The following DDRGK1 variants were observed in gnomAD, a reference collection of about 807,000 sequenced individuals.
The protein encoded by DDRGK1 is DDRGK domain-containing protein 1.
DDRGK1 carries 38 observed loss-of-function variants against 45.8 expected under a neutral mutation model. That is an observed-to-expected ratio of 0.83 (90% CI 0.64 to 1.09). The LOEUF (loss-of-function observed/expected upper bound fraction) is 1.09, where lower values mean the gene tolerates loss of function less well. DDRGK1 is among the 50% of genes least tolerant of loss of function. DDRGK1 has a pLI of 0.00. For missense variants in DDRGK1, 403 were observed against 419.9 expected (o/e 0.96, Z 0.35); for synonymous variants, 171 against 168.7 (o/e 1.01, Z -0.11).
At chr20:3,199,961 C>T (rs1185376468) in intron 4 of DDRGK1, 40 bp downstream of exon 4, 5 of 1,549,240 alleles carry the variant, frequency 3.2e-6, no homozygotes, top group Non-Finnish European at 4.3e-6. Flanking sequence ...GCTGCCTTGC[C>T]TGGTCAAGGG....
chr20:3,204,535 A>G lies in DDRGK1; in HGVS notation c.91+2T>C. Reference sequence around the variant, plus strand: ...CAACCCTGGTGCAGCGGCATCTCCTACCTGATGCCGCCCGGCCCCGGCTGC... The same window carrying G: ...CAACCCTGGTGCAGCGGCATCTCCTGCCTGATGCCGCCCGGCCCCGGCTGC... On this transcript the variant is annotated splice_donor_variant, in intron 1 of 8. Transcript: ENST00000354488. LOFTEE classifies it high-confidence loss of function. The G allele has an allele frequency of 6.4e-7, 1 of 1,557,948 alleles. No homozygotes were observed. The highest frequency in any genetic ancestry group is 8.6e-7 in the Non-Finnish European group (1 of 1,158,684).
Position 3,190,727 on chromosome 20 carries a change from T to C in DDRGK1, c.871A>G (p.Ile291Val), listed in dbSNP as rs1345561251. 1 of 1,614,118 alleles carries C rather than the reference T, an allele frequency of 6.2e-7. No homozygotes were observed. Among genetic ancestry groups the C allele is most frequent in the South Asian group, 1.1e-5 (1 of 91,068 alleles). ...TTGCTGGCTTGGGCAAGCTCGGCGATGGACACCCGGCCCCGCTGTCGGATG... is the reference window on the plus strand; with the variant it reads ...TTGCTGGCTTGGGCAAGCTCGGCGACGGACACCCGGCCCCGCTGTCGGATG... ...NFIRQRGRVS[I>V]AELAQASNSL... The change falls in exon 9 of 9, where the codon ATC (isoleucine) becomes GTC (valine). Residue 291 changes from isoleucine (I) to valine (V), a missense_variant. By Grantham distance (29) the Ile-to-Val change is conservative (BLOSUM62 3). Coordinates refer to ENST00000354488, the MANE Select transcript of DDRGK1 (RefSeq NM_023935.3).
chr20:3,204,513 C>T (rs1254844247), intron 1 of DDRGK1, 24 bp downstream of exon 1: 1 of 1,545,212 alleles, frequency 6.5e-7, no homozygotes, highest in Non-Finnish European at 8.7e-7. Flanking sequence ...GTACCACCAA[C>T]CCTGGTGCAG....
chr20:3,200,735 T>A (rs2067033795), intron 2 of DDRGK1, among the ~76,000 whole-genome samples: 2 of 152,102 alleles, frequency 1.3e-5, no homozygotes, highest in African/African-American at 4.8e-5. Flanking sequence ...CCCAGCACTT[T>A]GGGAGGCCGA....
chr20:3,193,363 G>C (rs2066997312), intron 6 of DDRGK1, among the ~76,000 whole-genome samples: 2 of 152,226 alleles, frequency 1.3e-5, no homozygotes, highest in Non-Finnish European at 1.5e-5. Context: ...AGCACAGGCT[G>C]GAAAAACTTT....
At position 3,192,127 on chromosome 20, in the gene DDRGK1, A is replaced by G. The variant is rs553486159; in HGVS notation, c.673-306T>C. 8.8e-3 allele frequency among the ~76,000 whole-genome samples: 1,259 copies of G among 142,886 alleles called. 16 individuals are homozygous for G. Among genetic ancestry groups the G allele is most frequent in the African/African-American group, 0.031 (1,196 of 38,204 alleles). 93.7% of individuals were successfully genotyped at this position (142,886 alleles called of 152,430 possible). ...CCTGTCCTGGACTCCGAGACACACG[A>G]GTGGTAATCAGAGCACAGCAGCCAC... On this transcript the variant is annotated intron_variant, in intron 6 of 8. Coordinates refer to ENST00000354488, the MANE Select transcript of DDRGK1 (RefSeq NM_023935.3).
chr20:3,201,287 C>CAAA (rs60867959), intron 2 of DDRGK1, among the ~76,000 whole-genome samples: 1 of 94,442 alleles, frequency 1.1e-5, no homozygotes. Flanking sequence ...GACTCTGTCT[C>CAAA]AAAAAAAAAA....
At position 3,203,120 on chromosome 20, in the gene DDRGK1, G is replaced by T. The variant is rs766013506; in HGVS notation, c.295+93C>A. The T allele has an allele frequency of 1.7e-4, 217 of 1,240,050 alleles. 3 individuals carry two copies. The highest frequency in any genetic ancestry group is 6.4e-4 in the Admixed American group (21 of 32,898). 76.8% of individuals were successfully genotyped at this position (1,240,050 alleles called of 1,614,324 possible). A position where few individuals can be genotyped will look rare whatever the true frequency, so the allele number is the denominator to read the frequency against. On this transcript the variant is annotated intron_variant, in intron 2 of 8. Coordinates refer to ENST00000354488, the MANE Select transcript of DDRGK1 (RefSeq NM_023935.3). ...TCCCAGACGTCCCTCCTACCCTGAG[G>T]CTTCATACCCTACTCCCCCACTTAG...
At position 3,200,027 on chromosome 20, in the gene DDRGK1, G is replaced by A. The variant is rs568758544; in HGVS notation, c.484C>T (p.Arg162Trp). The change falls in exon 4 of 9, where the codon CGG (arginine) becomes TGG (tryptophan). Residue 162 changes from arginine to tryptophan, a missense_variant. Arg to Trp is a moderately radical substitution (Grantham distance 101, BLOSUM62 -3). Coordinates refer to ENST00000354488, the MANE Select transcript of DDRGK1 (RefSeq NM_023935.3). The stretch of plus-strand genomic sequence containing the variant: ...TTCTGCTCCTCCTCCAGGCGAAGCC[G>A]CTCCTCCTCCTTCTTCCACTCAGCT... ...REAEWKKEEE[R>W]LRLEEEQKEE... 13 of 1,613,354 alleles carry A rather than the reference G, an allele frequency of 8.1e-6. No individual in the cohort carries two copies. The highest frequency in any genetic ancestry group is 5.0e-5 in the Admixed American group (3 of 59,912).
chr20:3,201,973 T>TTTTTTTG (rs1341032841), intron 2 of DDRGK1, among the ~76,000 whole-genome samples: 5 of 144,600 alleles, frequency 3.5e-5, no homozygotes, highest in African/African-American at 1.3e-4. Context: ...AGAGAGGGTT[T>TTTTTTTG]TTTTTGTTTG....
chr20:3,200,833 G>A (rs1229967597), intron 2 of DDRGK1, among the ~76,000 whole-genome samples: 1 of 152,122 alleles, frequency 6.6e-6, no homozygotes, highest in Non-Finnish European at 1.5e-5. Context: ...AAAAAGGGCT[G>A]GGCACGGTGG....
At chr20:3,198,917 G>T (rs987663308) in intron 4 of DDRGK1, among the ~76,000 whole-genome samples, 3 of 143,362 alleles carry the variant, frequency 2.1e-5, no homozygotes, top group African/African-American at 2.6e-5. Context: ...CAAGGGAAGA[G>T]AATTGCTTGA....
intron 7 of DDRGK1, chr20:3,191,455 CG>C: frequency 3.0e-6 from 2 of 657,794 alleles, no homozygotes; most frequent in African/African-American, 3.6e-5. Context: ...CTGTTAGAAG[CG>C]GGGCAGTGAT....
chr20:3,191,044 C>T, intron 8 of DDRGK1, 146 bp downstream of exon 8: 1 of 1,203,992 alleles, frequency 8.3e-7, no homozygotes, highest in Non-Finnish European at 1.2e-6. Context: ...CTCCTTGTAA[C>T]TGCATCCAGC....
intron 4 of DDRGK1, among the ~76,000 whole-genome samples, chr20:3,199,637 A>C (rs6051639): frequency 0.67 from 101,234 of 152,056 alleles, 34,202 homozygotes; most frequent in African/African-American, 0.75. Context: ...TCGATGTAAG[A>C]ACCATCTCTT....
intron 4 of DDRGK1, among the ~76,000 whole-genome samples, chr20:3,199,567 G>A (rs1465894603): frequency 1.3e-5 from 2 of 152,142 alleles, no homozygotes; most frequent in African/African-American, 4.8e-5. Context: ...GCAAACAAAT[G>A]TTCATTAGTC....
At chr20:3,201,609 T>A (rs1407193642) in intron 2 of DDRGK1, among the ~76,000 whole-genome samples, 1 of 151,688 alleles carries the variant, frequency 6.6e-6, no homozygotes, top group Non-Finnish European at 1.5e-5. Flanking sequence ...CTGTGGCTGA[T>A]AAGCCAGAAT....
intron 3 of DDRGK1, 113 bp from the exon 4 acceptor site, chr20:3,200,215 G>A (rs2067029929): frequency 1.4e-6 from 2 of 1,463,020 alleles, no homozygotes; most frequent in Admixed American, 4.1e-5. Flanking sequence ...CCAGGCGGCA[G>A]GAGACAGAGC....
intron 4 of DDRGK1, among the ~76,000 whole-genome samples, chr20:3,197,224 G>GAAAAAAAAAAAAAAAA (rs34672443): frequency 2.7e-5 from 2 of 74,566 alleles, no homozygotes; most frequent in Non-Finnish European, 5.1e-5. Context: ...CTCCATCTCA[G>GAAAAAAAAAAAAAAAA]AAAAAAAAAA....
Sources: gnomAD v4.1 joint callset for allele counts (sites outside exome capture counted in the v4.1 genomes callset) on GRCh38, gnomAD v4.1.1 for gene constraint, MANE v1.5 for transcripts, NCBI Gene and HGNC (gene_info 2026-07-23, HGNC 2026-07-21) for gene names.